Variants in PPP1R12C observed in about 807,000 individuals in gnomAD.
PPP1R12C encodes protein phosphatase 1 regulatory subunit 12C.
In PPP1R12C, 48 loss-of-function variants were observed where a neutral mutation model predicts 95.6. The observed-to-expected ratio is 0.50, with a 90% confidence interval of 0.40 to 0.64. The LOEUF (loss-of-function observed/expected upper bound fraction) is 0.64, where lower values mean the gene tolerates loss of function less well. Among genes scored for constraint, PPP1R12C ranks in the 30% least tolerant of loss-of-function variants. The pLI is 0.00. For missense variants in PPP1R12C, 1,057 were observed against 1,083.3 expected, an observed-to-expected ratio of 0.98 and a Z score of 0.34; for synonymous variants, 480 against 460.8, an observed-to-expected ratio of 1.04 and a Z score of -0.53.
At chr19:55,108,047 T>G (rs1196013527) in intron 3 of PPP1R12C, among the ~76,000 whole-genome samples, 2 of 151,052 alleles carry the variant, frequency 1.3e-5, no homozygotes. Flanking sequence ...GCAATTCTCC[T>G]GCCTCAGCCT....
At chr19:55,100,360 G>A (rs1263620039) in intron 4 of PPP1R12C, among the ~76,000 whole-genome samples, 1 of 152,236 alleles carries the variant, frequency 6.6e-6, no homozygotes, top group Admixed American at 6.5e-5. Flanking sequence ...CATCCCATAG[G>A]TGGAGGCCAG....
intron 3 of PPP1R12C, among the ~76,000 whole-genome samples, chr19:55,105,342 T>A (rs2085026715): frequency 6.6e-6 from 1 of 152,220 alleles, no homozygotes; most frequent in Non-Finnish European, 1.5e-5. Context: ...GCCCTCTGCA[T>A]GTCTGCTGCA....
intron 4 of PPP1R12C, 97 bp from the exon 5 acceptor site, chr19:55,099,192 G>A (rs940412359): frequency 2.4e-5 from 32 of 1,360,894 alleles, no homozygotes; most frequent in African/African-American, 2.9e-5. Flanking sequence ...CCCAGGCCAC[G>A]AGACTGAAAC....
chr19:55,091,615 C>CA, intron 21 of PPP1R12C, 35 bp downstream of exon 21: 2 of 1,587,910 alleles, frequency 1.3e-6, no homozygotes, highest in Non-Finnish European at 1.7e-6. Flanking sequence ...CCCACCCACC[C>CA]TCGGCCCTCT....
intron 1 of PPP1R12C, among the ~76,000 whole-genome samples, chr19:55,115,769 C>G (rs920266081): frequency 6.6e-6 from 1 of 152,162 alleles, no homozygotes; most frequent in Non-Finnish European, 1.5e-5. Flanking sequence ...CCCTAGTGGC[C>G]CCACTGTGGG....
chr19:55,100,435 G>A (rs576180216), intron 4 of PPP1R12C, among the ~76,000 whole-genome samples: 8 of 152,368 alleles, frequency 5.3e-5, no homozygotes, highest in African/African-American at 1.9e-4. Context: ...AGCCCAAAAT[G>A]TCTGTCTCCC....
chr19:55,094,953 C>A lies in PPP1R12C; in HGVS notation c.1455-155G>T, dbSNP rs889607140. On this transcript the variant is annotated intron_variant, in intron 11 of 21. Coordinates refer to ENST00000263433, the MANE Select transcript of PPP1R12C (RefSeq NM_017607.4). Reference sequence around the variant, plus strand: ...AAACCCACAAAAGCCATGAAAAGACCAGCACACTACGCAACCGGTCAGAAG... The same window carrying A: ...AAACCCACAAAAGCCATGAAAAGACAAGCACACTACGCAACCGGTCAGAAG... 5 of 885,420 alleles carry A rather than the reference C, an allele frequency of 5.6e-6. No homozygotes were observed. The African/African-American group carries it at 8.3e-5, about 15-fold the overall frequency. The allele number at this position is 885,420 out of a possible 1,614,324, so 54.8% of individuals were successfully genotyped here.
chr19:55,093,326 C>T (rs1264525925), intron 13 of PPP1R12C, 93 bp from the exon 14 acceptor site: 1 of 294,434 alleles, frequency 3.4e-6, no homozygotes, highest in East Asian at 1.8e-4. Context: ...GCCCCTCCTC[C>T]CTCAGACCCA....
At chr19:55,101,680 C>T (rs1164166133) in intron 4 of PPP1R12C, among the ~76,000 whole-genome samples, 1 of 152,220 alleles carries the variant, frequency 6.6e-6, no homozygotes, top group African/African-American at 2.4e-5. Flanking sequence ...GACACGGCCT[C>T]CAGGCCTGGG....
intron 4 of PPP1R12C, among the ~76,000 whole-genome samples, chr19:55,100,819 A>G (rs182609044): frequency 6.6e-5 from 10 of 152,066 alleles, no homozygotes; most frequent in Non-Finnish European, 1.3e-4. Flanking sequence ...TCACTGTGTT[A>G]GCCAGGCTGG....
At position 55,092,527 on chromosome 19, in the gene PPP1R12C, G is replaced by A. The variant is rs751898536; in HGVS notation, c.1970C>T (p.Pro657Leu). 3.1e-6 allele frequency: 5 copies of A among 1,606,274 alleles called. No individual in the cohort carries two copies. Among genetic ancestry groups the A allele is most frequent in the Non-Finnish European group, 4.2e-6 (5 of 1,177,102 alleles). The change falls in exon 18 of 22, where the codon CCC becomes CTC. Residue 657 changes from proline to leucine, a missense_variant. Around this residue, in one of 5 missense-constraint regions of PPP1R12C, gnomAD observed 347 missense variants for 307.9 expected, o/e 1.13. Coordinates refer to ENST00000263433, the MANE Select transcript of PPP1R12C (RefSeq NM_017607.4). ...CTGCCACCGCTGCCTGCGGGCCGAG[G>A]GGCCGCCCTCCAGGGTGCTGGGGCA... is the stretch of plus-strand genomic sequence containing the variant. ...SQESSTLEGG[P>L]SARRQRWQRD...
chr19:55,105,400 G>C (rs1417210820), intron 3 of PPP1R12C, among the ~76,000 whole-genome samples: 2 of 152,168 alleles, frequency 1.3e-5, no homozygotes, highest in African/African-American at 2.4e-5. Context: ...GCTGAGATCT[G>C]TCTGTATCTG....
intron 3 of PPP1R12C, 107 bp from the exon 4 acceptor site, chr19:55,103,675 C>G (rs766299006): frequency 9.0e-7 from 1 of 1,117,148 alleles, no homozygotes; most frequent in African/African-American, 1.6e-5. Flanking sequence ...GCCCAGAGCT[C>G]TTCCCCCTGC....
chr19:55,095,687 A>C, intron 9 of PPP1R12C, 84 bp from the exon 10 acceptor site: 2 of 1,503,562 alleles, frequency 1.3e-6, no homozygotes, highest in Admixed American at 4.3e-5. Flanking sequence ...GACTGCAACA[A>C]ACTACAATTC....
chr19:55,111,534 G>C (rs2085095669), intron 3 of PPP1R12C: 2 of 152,142 alleles, frequency 1.3e-5, no homozygotes, highest in South Asian at 4.1e-4. Context: ...CCGAACCTCA[G>C]ATCTCCGCCG....
At chr19:55,113,806 G>T in intron 1 of PPP1R12C, 1 of 248,402 alleles carries the variant, frequency 4.0e-6, no homozygotes, top group Non-Finnish European at 7.6e-6. Flanking sequence ...TTTCCACCCA[G>T]TTGTCATGGC....
At chr19:55,107,483 A>C (rs140364666) in intron 3 of PPP1R12C, among the ~76,000 whole-genome samples, 1 of 152,290 alleles carries the variant, frequency 6.6e-6, no homozygotes, top group East Asian at 1.9e-4. Context: ...CTGGATTAAG[A>C]AAGTGTGGCA....
intron 6 of PPP1R12C, among the ~76,000 whole-genome samples, chr19:55,098,171 C>T (rs1467171983): frequency 5.9e-5 from 9 of 152,348 alleles, no homozygotes; most frequent in East Asian, 1.9e-4. Context: ...TCCAGGGGCA[C>T]GTACTCCCCC....
chr19:55,102,123 C>G (rs1378934462), intron 4 of PPP1R12C, among the ~76,000 whole-genome samples: 1 of 152,128 alleles, frequency 6.6e-6, no homozygotes, highest in Non-Finnish European at 1.5e-5. Context: ...GAACCAACAA[C>G]TTTAATAGAA....
Sources: allele counts gnomAD v4.1 joint callset (sites outside exome capture counted in the v4.1 genomes callset), GRCh38; gene constraint gnomAD v4.1.1; regional missense constraint gnomAD v4.1.1; transcripts MANE v1.5; gene names NCBI Gene and HGNC (gene_info 2026-07-23, HGNC 2026-07-21).